Variants in FGD4 observed in about 807,000 individuals in gnomAD.
The protein encoded by FGD4 is FYVE, RhoGEF and PH domain containing 4, also known as FYVE, RhoGEF and PH domain-containing protein 4.
FGD4 carries 42 observed loss-of-function variants against 102.0 expected under a neutral mutation model. The ratio of observed to expected loss-of-function variants is 0.41; its 90% CI spans 0.32 to 0.53. The LOEUF is 0.53. FGD4 is among the 20% of genes least tolerant of loss of function. The probability of loss-of-function intolerance (pLI) is 0.21; values close to 1 mark genes in which losing one functional copy is unlikely to be tolerated. For synonymous variants in FGD4, 380 were observed against 375.7 expected (o/e 1.01, Z -0.13); for missense variants, 902 against 1,078.2 (o/e 0.84, Z 2.29).
chr12:32,562,696 C>G (rs1363278965), intron 1 of FGD4, among the ~76,000 whole-genome samples: 1 of 152,226 alleles, frequency 6.6e-6, no homozygotes, highest in Non-Finnish European at 1.5e-5. Context: ...TGAGTGGACA[C>G]AGCACATGTT....
At chr12:32,507,235 C>T (rs2136653080) in intron 1 of FGD4, among the ~76,000 whole-genome samples, 1 of 152,152 alleles carries the variant, frequency 6.6e-6, no homozygotes, top group Admixed American at 6.5e-5. Context: ...CAATTTCATC[C>T]ATGTCCCTAC....
rs1187340336 is a variant in FGD4 at position 32,465,718 on chromosome 12, T to C, written c.166+65759T>C. 3.9e-5 allele frequency among the ~76,000 whole-genome samples: 6 copies of C among 152,088 alleles called. No homozygotes were observed. In the East Asian group the frequency reaches 1.2e-3, roughly 29 times the overall value. On this transcript the variant is annotated intron_variant, in intron 1 of 16. Transcript: ENST00000534526. Reference sequence around the variant, plus strand: ...CCTCCATTAGCAGAAAGAGTATTACTTACTGAAGACTTAGATGATCGTTGT... The same window carrying C: ...CCTCCATTAGCAGAAAGAGTATTACCTACTGAAGACTTAGATGATCGTTGT...
intron 1 of FGD4, among the ~76,000 whole-genome samples, chr12:32,402,167 C>A (rs948802167): frequency 7.2e-6 from 1 of 139,174 alleles, no homozygotes; most frequent in African/African-American, 2.7e-5. Context: ...GATTGCTTGG[C>A]ACGGGGGCTC....
At chr12:32,573,705 GTACATT>G (rs1486993646) in intron 2 of FGD4, among the ~76,000 whole-genome samples, 1 of 151,950 alleles carries the variant, frequency 6.6e-6, no homozygotes, top group Non-Finnish European at 1.5e-5. Context: ...CTGATTTACT[GTACATT>G]TACATTTTCT....
At chr12:32,440,893 T>C (rs1308054872) in intron 1 of FGD4, among the ~76,000 whole-genome samples, 1 of 152,102 alleles carries the variant, frequency 6.6e-6, no homozygotes, top group Non-Finnish European at 1.5e-5. Context: ...CCCTCCCTTT[T>C]CCAAAGGCAG....
intron 2 of FGD4, among the ~76,000 whole-genome samples, chr12:32,575,552 T>C (rs962077864): frequency 7.2e-5 from 11 of 152,184 alleles, no homozygotes; most frequent in East Asian, 3.8e-4. Context: ...ACCTCCAACA[T>C]TGGGGACCAG....
chr12:32,560,707 CAG>C (rs1944468703), intron 1 of FGD4, among the ~76,000 whole-genome samples: 1 of 151,440 alleles, frequency 6.6e-6, no homozygotes, highest in Non-Finnish European at 1.5e-5. Context: ...TTTCTTTTCT[CAG>C]AGTTGCAAGG....
intron 1 of FGD4, among the ~76,000 whole-genome samples, chr12:32,561,813 C>G (rs1023317099): frequency 6.6e-6 from 1 of 152,210 alleles, no homozygotes; most frequent in African/African-American, 2.4e-5. Context: ...AATCCTTCCT[C>G]TTCATCTATG....
At chr12:32,410,760 C>CT (rs535377011) in intron 1 of FGD4, among the ~76,000 whole-genome samples, 18 of 152,228 alleles carry the variant, frequency 1.2e-4, no homozygotes, top group Middle Eastern at 3.4e-3. Flanking sequence ...TACCACAGTT[C>CT]TGGGAACCGC....
At chr12:32,584,082 T>C (rs976780715) in intron 4 of FGD4, among the ~76,000 whole-genome samples, 1 of 152,256 alleles carries the variant, frequency 6.6e-6, no homozygotes, top group Middle Eastern at 3.2e-3. Flanking sequence ...GGAGAGATTT[T>C]ATAGAATTTT....
At chr12:32,486,243 T>C in intron 1 of FGD4, 1 of 1,110,456 alleles carries the variant, frequency 9.0e-7, no homozygotes, top group Non-Finnish European at 1.2e-6. Flanking sequence ...GTCACTGGTA[T>C]TTCTCTTTGT....
chr12:32,534,213 T>C (rs945128706), intron 1 of FGD4: 2 of 947,392 alleles, frequency 2.1e-6, no homozygotes, highest in Non-Finnish European at 2.7e-6. Flanking sequence ...TCTGTGCTCA[T>C]ACACTCCCTC....
chr12:32,640,257 T>G lies in FGD4; in HGVS notation c.2455-19T>G. On this transcript the variant is annotated intron_variant, in intron 16 of 16. Transcript: ENST00000534526. ...GCGAATACATCACCTGCTTTTAATG[T>G]CTGATGTCTTTTCTTTAGGACGTCA... 1.9e-6 allele frequency: 3 copies of G among 1,614,210 alleles called. No individual in the cohort carries two copies. Among genetic ancestry groups the G allele is most frequent in the Non-Finnish European group, 1.7e-6 (2 of 1,180,032 alleles).
chr12:32,590,701 A>G (rs1947404134), intron 4 of FGD4, among the ~76,000 whole-genome samples: 1 of 152,164 alleles, frequency 6.6e-6, no homozygotes, highest in Non-Finnish European at 1.5e-5. Flanking sequence ...GAGAGTGATA[A>G]TACTCCTGCT....
intron 10 of FGD4, among the ~76,000 whole-genome samples, chr12:32,613,578 C>T (rs1949277888): frequency 6.6e-6 from 1 of 151,956 alleles, no homozygotes; most frequent in Non-Finnish European, 1.5e-5. Flanking sequence ...CATACAGAGA[C>T]CTCCCTGTCT....
chr12:32,534,109 T>C (rs1942034919), intron 1 of FGD4, among the ~76,000 whole-genome samples: 1 of 152,254 alleles, frequency 6.6e-6, no homozygotes, highest in African/African-American at 2.4e-5. Context: ...CATTAGTCCA[T>C]TTAGAAATCG....
chr12:32,493,887 G>T (rs1214983280), intron 1 of FGD4, among the ~76,000 whole-genome samples: 1 of 152,216 alleles, frequency 6.6e-6, no homozygotes, highest in Non-Finnish European at 1.5e-5. Flanking sequence ...CGATAGGGTG[G>T]TGGGGAAGGA....
intron 1 of FGD4, among the ~76,000 whole-genome samples, chr12:32,412,269 A>G (rs1303041624): frequency 1.3e-5 from 2 of 152,208 alleles, no homozygotes; most frequent in Admixed American, 1.3e-4. Context: ...GTCTGGTTAC[A>G]TTCTTGGTCA....
At chr12:32,440,543 G>T (rs879828324) in intron 1 of FGD4, among the ~76,000 whole-genome samples, 3 of 152,188 alleles carry the variant, frequency 2.0e-5, no homozygotes, top group Admixed American at 6.5e-5. Flanking sequence ...AAAGCTGGGG[G>T]TAGAGTGACC....
Sources: gnomAD v4.1 joint callset for allele counts (sites outside exome capture counted in the v4.1 genomes callset) on GRCh38, gnomAD v4.1.1 for gene constraint, MANE v1.5 for transcripts, NCBI Gene and HGNC (gene_info 2026-07-23, HGNC 2026-07-21) for gene names.